The following RANBP2 variants were observed in gnomAD, a reference collection of about 807,000 sequenced individuals.
The protein encoded by RANBP2 is E3 SUMO-protein ligase RanBP2.
Under a neutral mutation model 303.6 loss-of-function variants are expected in RANBP2, and 57 were observed. The observed-to-expected ratio is 0.19, with a 90% CI of 0.15 to 0.23. The LOEUF (loss-of-function observed/expected upper bound fraction) is 0.23, where lower values mean the gene tolerates loss of function less well. RANBP2 is among the 10% of genes least tolerant of loss of function. The pLI is 1.00. For synonymous variants in RANBP2, 1,167 were observed against 1,301.5 expected (o/e 0.90, Z 2.23); for missense variants, 3,138 against 3,780.8 (o/e 0.83, Z 4.46).
At chr2:109,239,774 A>G in the RANBP2 span, among the ~76,000 whole-genome samples, 1 of 152,204 alleles carries the variant, frequency 6.6e-6, no homozygotes, top group Non-Finnish European at 1.5e-5. Context: ...CTGCTGTGGG[A>G]GTCCCTTGTC....
the RANBP2 span, among the ~76,000 whole-genome samples, chr2:109,620,566 G>A: frequency 6.6e-6 from 1 of 152,162 alleles, no homozygotes; most frequent in African/African-American, 2.4e-5. Context: ...GCTGAGCATG[G>A]TGGTGCATGC....
At chr2:109,590,048 ATGTGTG>A in the RANBP2 span, among the ~76,000 whole-genome samples, 3,510 of 143,814 alleles carry the variant, frequency 0.024, 47 homozygotes, top group South Asian at 0.075. Context: ...ACACATATAT[ATGTGTG>A]TGTATATATA....
rs1573767597 is a variant in RANBP2 at position 108,751,239 on chromosome 2, A to C, written c.1274-25A>C. On this transcript the variant is annotated intron_variant, in intron 9 of 28. Transcript: ENST00000283195. ...CACAAGGAAAAATTTCAAACCCTTA[A>C]GCCAATTTTTTAATTTTATTTCAGG... The C allele has an allele frequency of 3.1e-6, 5 of 1,611,994 alleles. No individual in the cohort carries two copies. The East Asian group carries it at 1.1e-4, about 36-fold the overall frequency.
chr2:108,861,472 CTTTTTTTTTTTTTTT>C, the RANBP2 span, among the ~76,000 whole-genome samples: 170 of 123,440 alleles, frequency 1.4e-3, no homozygotes, highest in East Asian at 4.4e-3. Context: ...AACTTTCTTC[CTTTTTTTTTTTTTTT>C]TTTTTTTTTT....
the RANBP2 span, among the ~76,000 whole-genome samples, chr2:109,185,245 G>T: frequency 6.6e-6 from 1 of 152,186 alleles, no homozygotes; most frequent in African/African-American, 2.4e-5. Flanking sequence ...ATTTGACAGG[G>T]ACATGTTATC....
the RANBP2 span, among the ~76,000 whole-genome samples, chr2:109,577,599 A>T: frequency 5.3e-5 from 5 of 94,848 alleles, no homozygotes; most frequent in East Asian, 6.3e-4. Context: ...CTCAAAATTT[A>T]AAAAAAAAAA....
chr2:109,375,393 G>A, the RANBP2 span, among the ~76,000 whole-genome samples: 1 of 152,192 alleles, frequency 6.6e-6, no homozygotes, highest in Non-Finnish European at 1.5e-5. Context: ...GCTGGACAGC[G>A]CCCCTTGCCA....
the RANBP2 span, among the ~76,000 whole-genome samples, chr2:109,590,663 A>G: frequency 1.3e-5 from 2 of 152,298 alleles, no homozygotes; most frequent in South Asian, 2.1e-4. Context: ...TCTTGACCTC[A>G]GGTGATCCAC....
chr2:108,799,510 C>CATCT, the RANBP2 span, among the ~76,000 whole-genome samples: 1 of 152,214 alleles, frequency 6.6e-6, no homozygotes, highest in Non-Finnish European at 1.5e-5. Context: ...TGTCCCAGTA[C>CATCT]ATCTGCCTTT....
chr2:109,268,642 A>C, the RANBP2 span, among the ~76,000 whole-genome samples: 1 of 152,194 alleles, frequency 6.6e-6, no homozygotes, highest in Admixed American at 6.5e-5. Flanking sequence ...AGCGATACAC[A>C]TTCAGTAGAA....
chr2:108,957,761 G>A, the RANBP2 span, among the ~76,000 whole-genome samples: 4 of 152,212 alleles, frequency 2.6e-5, no homozygotes, highest in African/African-American at 9.6e-5. Context: ...TAATGCATCC[G>A]AGTTATTCCA....
chr2:108,779,379 T>C (rs780591771), intron 25 of RANBP2, among the ~76,000 whole-genome samples: 7 of 151,722 alleles, frequency 4.6e-5, no homozygotes, highest in Middle Eastern at 3.5e-3. Flanking sequence ...TGGCCAGGCT[T>C]GTCTCGAACT....
chr2:109,489,860 C>G, the RANBP2 span, among the ~76,000 whole-genome samples: 1 of 152,156 alleles, frequency 6.6e-6, no homozygotes, highest in Admixed American at 6.5e-5. Flanking sequence ...ACCTCAGGCT[C>G]CTGAGTATCT....
chr2:109,614,037 C>T, the RANBP2 span: 29 of 1,208,928 alleles, frequency 2.4e-5, no homozygotes, highest in Non-Finnish European at 3.0e-5. Context: ...GCGCGCTGAG[C>T]GTTTTGCCTG....
chr2:108,769,231 TA>T (rs1185732572), intron 20 of RANBP2: 1 of 985,264 alleles, frequency 1.0e-6, no homozygotes, highest in Non-Finnish European at 1.2e-6. Flanking sequence ...CCTAAAATGT[TA>T]AAAAACGAAA....
chr2:109,007,548 C>A, the RANBP2 span, among the ~76,000 whole-genome samples: 6 of 152,198 alleles, frequency 3.9e-5, no homozygotes, highest in Non-Finnish European at 1.5e-5. Flanking sequence ...CTGAGAGTAG[C>A]CTGCCTGGGG....
the RANBP2 span, among the ~76,000 whole-genome samples, chr2:109,472,846 G>A: frequency 6.6e-6 from 1 of 152,166 alleles, no homozygotes; most frequent in South Asian, 2.1e-4. Context: ...TAATGGACAG[G>A]GTCGTGACAC....
the RANBP2 span, chr2:109,615,532 C>T: frequency 6.2e-7 from 1 of 1,613,966 alleles, no homozygotes; most frequent in Non-Finnish European, 8.5e-7. Flanking sequence ...CTGCACTTGG[C>T]AGCCATGCAC....
At chr2:108,845,873 A>G in the RANBP2 span, among the ~76,000 whole-genome samples, 6 of 152,120 alleles carry the variant, frequency 3.9e-5, no homozygotes, top group African/African-American at 1.4e-4. Context: ...GCCCAGCCTC[A>G]TTTTATTCTT....
Sources: allele counts gnomAD v4.1 joint callset (sites outside exome capture counted in the v4.1 genomes callset), GRCh38; gene constraint gnomAD v4.1.1; transcripts MANE v1.5; gene names NCBI Gene and HGNC (gene_info 2026-07-23, HGNC 2026-07-21).